Variants in FAM83A observed in about 807,000 individuals in gnomAD.
The protein encoded by FAM83A is protein FAM83A.
Under a neutral mutation model 24.4 loss-of-function variants are expected in FAM83A, and 21 were observed. That is an observed-to-expected ratio of 0.86 (90% confidence interval 0.61 to 1.24). The LOEUF (loss-of-function observed/expected upper bound fraction) is 1.24. Among genes scored for constraint, FAM83A ranks in the 50% most tolerant of loss-of-function variants. FAM83A has a pLI of 0.00. For synonymous variants in FAM83A, 270 were observed against 252.4 expected, an observed-to-expected ratio of 1.07 and a Z score of -0.66; for missense variants, 617 against 579.8, an observed-to-expected ratio of 1.06 and a Z score of -0.66.
chr8:123,209,176 C>A lies in FAM83A; in HGVS notation c.*1488C>A. 1 of 1,129,420 alleles carries A rather than the reference C, an allele frequency of 8.9e-7. No individual in the cohort carries two copies. The highest frequency in any genetic ancestry group is 1.1e-6 in the Non-Finnish European group (1 of 925,782). The allele number at this position is 1,129,420 out of a possible 1,614,324, so 70.0% of individuals were successfully genotyped here. Reference sequence around the variant, plus strand: ...CTCCTGTTTCTAGGCCCTCTCCTCCCTTGTCGGTTTTTGGCGGGGAAGCTC... The same window carrying A: ...CTCCTGTTTCTAGGCCCTCTCCTCCATTGTCGGTTTTTGGCGGGGAAGCTC... On this transcript the variant is annotated 3_prime_UTR_variant, in exon 4 of 4. Transcript: ENST00000690554. This position sits in a 1 kb window ranked among gnomAD's most constrained non-coding sequence, Gnocchi z 4.7.
chr8:123,186,914 C>T (rs1823819024), intron 1 of FAM83A, among the ~76,000 whole-genome samples: 3 of 152,172 alleles, frequency 2.0e-5, no homozygotes, highest in Non-Finnish European at 2.9e-5. Flanking sequence ...GGATCCTTCC[C>T]TCTGGGGAGC....
exon 4 of FAM83A, chr8:123,208,290 A>G: frequency 1.0e-6 from 1 of 985,578 alleles, no homozygotes. Flanking sequence ...TATGAGTTGT[A>G]TGGGGGAGCC....
intron 3 of FAM83A, among the ~76,000 whole-genome samples, chr8:123,200,966 A>T (rs28591237): frequency 0.17 from 24,519 of 144,588 alleles, 2,253 homozygotes; most frequent in African/African-American, 0.23. Context: ...ACAAAAAAAA[A>T]AAATATATAT....
exon 4 of FAM83A, chr8:123,208,374 T>C: frequency 1.0e-6 from 1 of 985,646 alleles, no homozygotes; most frequent in Non-Finnish European, 1.2e-6. Context: ...GGCAGGTTAG[T>C]AGACTCAGAT....
At chr8:123,199,122 G>A (rs1013428419) in intron 3 of FAM83A, among the ~76,000 whole-genome samples, 1 of 151,978 alleles carries the variant, frequency 6.6e-6, no homozygotes, top group African/African-American at 2.4e-5. Flanking sequence ...AAACAATAAC[G>A]CACTCCATTT....
At chr8:123,207,222 A>T in exon 4 of FAM83A, 1 of 1,611,180 alleles carries the variant, frequency 6.2e-7, no homozygotes, top group Non-Finnish European at 8.5e-7. Context: ...CAGGCGGTGG[A>T]GCTGTTTGAC....
intron 1 of FAM83A, 54 bp downstream of exon 1, chr8:123,183,390 G>T: frequency 1.3e-6 from 2 of 1,565,312 alleles, no homozygotes; most frequent in South Asian, 2.4e-5. Context: ...AGGATCGGGG[G>T]CTGATAGAGC....
chr8:123,191,979 C>T lies in FAM83A; in HGVS notation c.648+9C>T, dbSNP rs749439563. 6.2e-7 allele frequency: 1 copy of T among 1,613,644 alleles called. No individual in the cohort carries two copies. Among genetic ancestry groups the T allele is most frequent in the South Asian group, 1.1e-5 (1 of 91,024 alleles). ...CTGACAGTCACCTCAAGGTAGGGGC[C>T]CCAATGAGAGTCCTAAGGGTACTCA... On this transcript the variant is annotated intron_variant, in intron 2 of 3. Transcript: ENST00000690554.
intron 1 of FAM83A, among the ~76,000 whole-genome samples, chr8:123,189,800 A>G (rs893097260): frequency 4.6e-5 from 7 of 152,172 alleles, no homozygotes; most frequent in African/African-American, 1.7e-4. Flanking sequence ...AAAATGTATA[A>G]AATCAAGCTG....
exon 4 of FAM83A, chr8:123,208,882 T>G (rs1824646805): frequency 3.1e-6 from 3 of 966,242 alleles, no homozygotes; most frequent in Non-Finnish European, 3.7e-6. Context: ...GAGAATTGCT[T>G]GAACCCAGGA....
exon 1 of FAM83A, chr8:123,182,842 C>T (rs1005103073): frequency 1.3e-6 from 2 of 1,519,122 alleles, no homozygotes; most frequent in Non-Finnish European, 1.8e-6. Flanking sequence ...CCAGCACCAC[C>T]CAGGGACGGG....
Position 123,183,142 on chromosome 8 carries a change from G to T in FAM83A, c.286G>T (p.Asp96Tyr). 4 of 1,613,854 alleles carry T rather than the reference G, an allele frequency of 2.5e-6. No homozygotes were observed. In the East Asian group the frequency reaches 6.7e-5, roughly 27 times the overall value. Residue 96 changes from aspartate (D) to tyrosine (Y), a missense_variant, in exon 1 of 4, where the codon GAC (aspartate) becomes TAC (tyrosine). Transcript: ENST00000690554. ...GGCGGAAGCAGGCCCTAAGGGACTG[G>T]ACTCCAGCTCCCTACAGTCCGGCAC...
At chr8:123,200,443 G>C (rs559095281) in intron 3 of FAM83A, among the ~76,000 whole-genome samples, 1 of 152,340 alleles carries the variant, frequency 6.6e-6, no homozygotes, top group Admixed American at 6.5e-5. Context: ...CAGCTGGGGG[G>C]CCCTCGCCCT....
chr8:123,209,644 C>A lies in FAM83A; in HGVS notation c.*1956C>A. 1 of 1,374,002 alleles carries A rather than the reference C, an allele frequency of 7.3e-7. No individual in the cohort carries two copies. Among genetic ancestry groups the A allele is most frequent in the Non-Finnish European group, 1.0e-6 (1 of 986,830 alleles). 85.1% of individuals were successfully genotyped at this position (1,374,002 alleles called of 1,614,324 possible). ...TTGCCAGGTCACAGAAGCTCCCAAG[C>A]CCAGCTTTCCAAAGGCCTCAGCCTG... On this transcript the variant is annotated 3_prime_UTR_variant, in exon 4 of 4. Transcript: ENST00000690554. The surrounding 1 kb of genome is among the most constrained non-coding windows in gnomAD (Gnocchi z 4.7).
chr8:123,207,591 C>T (rs1824605964), exon 4 of FAM83A: 2 of 1,573,280 alleles, frequency 1.3e-6, no homozygotes, highest in Admixed American at 1.8e-5. Context: ...AACCTGGGGG[C>T]CTACAGGCCC....
At chr8:123,198,090 C>G (rs1044991518) in intron 3 of FAM83A, among the ~76,000 whole-genome samples, 3 of 152,024 alleles carry the variant, frequency 2.0e-5, no homozygotes, top group African/African-American at 7.2e-5. Flanking sequence ...GAGATCGCAC[C>G]ACTGCACTCC....
At chr8:123,204,507 A>C (rs190201427) in intron 3 of FAM83A, among the ~76,000 whole-genome samples, 1 of 152,342 alleles carries the variant, frequency 6.6e-6, no homozygotes, top group Non-Finnish European at 1.5e-5. Flanking sequence ...TCACGCCTGT[A>C]ATCCCACCAC....
intron 1 of FAM83A, among the ~76,000 whole-genome samples, chr8:123,191,600 G>A (rs1241536334): frequency 6.6e-6 from 1 of 152,146 alleles, no homozygotes; most frequent in Non-Finnish European, 1.5e-5. Flanking sequence ...GATGGTATCA[G>A]GACAGGCGCA....
chr8:123,187,002 G>A (rs545847264), intron 1 of FAM83A, among the ~76,000 whole-genome samples: 1 of 152,238 alleles, frequency 6.6e-6, no homozygotes, highest in African/African-American at 2.4e-5. Flanking sequence ...GCAACCCTCG[G>A]TGCCTGGAAG....
Sources: gnomAD v4.1 joint callset for allele counts (sites outside exome capture counted in the v4.1 genomes callset) on GRCh38, gnomAD v4.1.1 for gene constraint, Gnocchi (gnomAD v3.1) non-coding constraint, MANE v1.5 for transcripts, NCBI Gene and HGNC (gene_info 2026-07-23, HGNC 2026-07-21) for gene names.